Variants in ROR2 observed in about 807,000 individuals in gnomAD.
ROR2 encodes ROR family WNT receptor 2, also known as tyrosine-protein kinase transmembrane receptor ROR2.
Under a neutral mutation model 74.9 loss-of-function variants are expected in ROR2, and 33 were observed. The observed-to-expected ratio is 0.44, with a 90% CI of 0.33 to 0.59. The LOEUF is 0.59. ROR2 is among the 20% of genes least tolerant of loss of function. The probability of loss-of-function intolerance (pLI) is 0.02; values close to 1 mark genes in which losing one functional copy is unlikely to be tolerated. For missense variants in ROR2, 1,216 were observed against 1,313.8 expected, an observed-to-expected ratio of 0.93 and a Z score of 1.15; for synonymous variants, 586 against 558.7, an observed-to-expected ratio of 1.05 and a Z score of -0.69.
intron 1 of ROR2, among the ~76,000 whole-genome samples, chr9:91,778,594 G>C (rs780662672): frequency 6.6e-6 from 1 of 152,168 alleles, no homozygotes; most frequent in Non-Finnish European, 1.5e-5. Context: ...GATTCTGAGA[G>C]GAGATTCATC....
chr9:91,764,960 A>G (rs1826017688), intron 2 of ROR2, among the ~76,000 whole-genome samples: 1 of 151,990 alleles, frequency 6.6e-6, no homozygotes, highest in South Asian at 2.1e-4. Flanking sequence ...TTCTTAGGCT[A>G]TTTTCAATAT....
intron 1 of ROR2, among the ~76,000 whole-genome samples, chr9:91,817,662 C>T (rs1259219544): frequency 2.6e-5 from 4 of 152,198 alleles, no homozygotes; most frequent in Non-Finnish European, 1.5e-5. Context: ...CTGCCAGGCA[C>T]CCGTCGGGGC....
intron 1 of ROR2, among the ~76,000 whole-genome samples, chr9:91,889,038 T>C (rs1356270405): frequency 1.3e-5 from 2 of 152,180 alleles, no homozygotes; most frequent in Non-Finnish European, 2.9e-5. Flanking sequence ...AATAACCTCA[T>C]TTGGAAGAGA....
At chr9:91,776,584 G>A (rs1162192776) in intron 1 of ROR2, among the ~76,000 whole-genome samples, 2 of 152,220 alleles carry the variant, frequency 1.3e-5, no homozygotes, top group Non-Finnish European at 2.9e-5. Context: ...GACAGCTGGT[G>A]CTGCACCCCT....
chr9:91,826,918 C>G (rs1828311909), intron 1 of ROR2, among the ~76,000 whole-genome samples: 1 of 152,136 alleles, frequency 6.6e-6, no homozygotes, highest in South Asian at 2.1e-4. Flanking sequence ...TATTAAAATG[C>G]AAGTCAGCTT....
At chr9:91,735,972 CG>C (rs1487345585) in intron 5 of ROR2, among the ~76,000 whole-genome samples, 1 of 152,074 alleles carries the variant, frequency 6.6e-6, no homozygotes, top group Non-Finnish European at 1.5e-5. Context: ...ACCGCTTTTA[CG>C]AAGGGTGAAA....
At chr9:91,773,876 C>T (rs1398810147) in intron 2 of ROR2, among the ~76,000 whole-genome samples, 2 of 152,210 alleles carry the variant, frequency 1.3e-5, no homozygotes, top group African/African-American at 4.8e-5. Context: ...TGTTCCTCTT[C>T]TACCCTCCCA....
chr9:91,740,173 A>G (rs1450275918), intron 4 of ROR2, among the ~76,000 whole-genome samples: 1 of 152,144 alleles, frequency 6.6e-6, no homozygotes, highest in Non-Finnish European at 1.5e-5. Flanking sequence ...GGAAGATGAC[A>G]AGGGGGTGCT....
At chr9:91,871,949 A>G (rs944580206) in intron 1 of ROR2, among the ~76,000 whole-genome samples, 3 of 152,140 alleles carry the variant, frequency 2.0e-5, no homozygotes, top group Admixed American at 6.5e-5. Flanking sequence ...ATCTTACCGC[A>G]GCCAGCATCT....
intron 1 of ROR2, among the ~76,000 whole-genome samples, chr9:91,926,963 G>A (rs1268043875): frequency 1.3e-5 from 2 of 152,184 alleles, no homozygotes; most frequent in African/African-American, 4.8e-5. Flanking sequence ...TCTTGATGCT[G>A]CTGAACTGTA....
rs1208306508 is a variant in ROR2 at position 91,852,658 on chromosome 9, C to CACACACACAT, written c.98-76841_98-76840insATGTGTGTGT. ...ACACACACACACACACACCCACACA[C>CACACACACAT]ACAATGTAAGTCCATAAGAAGTCGG... On this transcript the variant is annotated intron_variant, in intron 1 of 8. Coordinates refer to ENST00000375708, the MANE Select transcript of ROR2 (RefSeq NM_004560.4). Among the ~76,000 whole-genome samples, 5 of 151,838 alleles carry CACACACACAT rather than the reference C, an allele frequency of 3.3e-5. No homozygotes were observed. The East Asian group carries it at 5.8e-4, about 18-fold the overall frequency.
At chr9:91,919,400 A>G (rs1470552116) in intron 1 of ROR2, among the ~76,000 whole-genome samples, 1 of 152,202 alleles carries the variant, frequency 6.6e-6, no homozygotes, top group Admixed American at 6.5e-5. Context: ...CATCAAAGCA[A>G]AGGCCAACTC....
chr9:91,767,901 G>A (rs532010417), intron 2 of ROR2, among the ~76,000 whole-genome samples: 130 of 152,282 alleles, frequency 8.5e-4, no homozygotes, highest in Middle Eastern at 3.4e-3. Flanking sequence ...CCTCATCCCC[G>A]CAACCCGTGA....
intron 1 of ROR2, among the ~76,000 whole-genome samples, chr9:91,930,948 C>G (rs1831534966): frequency 6.6e-6 from 1 of 152,158 alleles, no homozygotes. Context: ...TAGTATTTGT[C>G]TGGTACATCA....
intron 1 of ROR2, among the ~76,000 whole-genome samples, chr9:91,855,283 C>T (rs1355563814): frequency 2.6e-5 from 4 of 152,288 alleles, no homozygotes; most frequent in South Asian, 4.1e-4. Context: ...GAGAGCAGCA[C>T]GTGCCCAGAA....
intron 1 of ROR2, among the ~76,000 whole-genome samples, chr9:91,889,630 G>C (rs900891134): frequency 6.6e-6 from 1 of 152,116 alleles, no homozygotes; most frequent in Admixed American, 6.6e-5. Flanking sequence ...CAGTCAGTGG[G>C]CTCATGACAA....
intron 4 of ROR2, among the ~76,000 whole-genome samples, chr9:91,752,607 G>A (rs552960394): frequency 6.6e-6 from 1 of 152,330 alleles, no homozygotes; most frequent in Admixed American, 6.5e-5. Flanking sequence ...GCACGACAGA[G>A]CCTGCAAGCG....
At chr9:91,779,402 C>T (rs920055938) in intron 1 of ROR2, among the ~76,000 whole-genome samples, 1 of 146,084 alleles carries the variant, frequency 6.8e-6, no homozygotes, top group Non-Finnish European at 1.5e-5. Context: ...CAGAGTTTCG[C>T]TCTTGTTGCC....
intron 1 of ROR2, among the ~76,000 whole-genome samples, chr9:91,841,835 T>C (rs1377432873): frequency 6.6e-6 from 1 of 152,242 alleles, no homozygotes; most frequent in East Asian, 1.9e-4. Context: ...CTTATATTAA[T>C]GGCACCTCAA....
Sources: allele counts gnomAD v4.1 joint callset (sites outside exome capture counted in the v4.1 genomes callset), GRCh38; gene constraint gnomAD v4.1.1; transcripts MANE v1.5; gene names NCBI Gene and HGNC (gene_info 2026-07-23, HGNC 2026-07-21).